RAB27A: variants seen among roughly 807,000 people sequenced by gnomAD.
RAB27A encodes the protein ras-related protein Rab-27A.
In RAB27A, 17 loss-of-function variants were observed where a neutral mutation model predicts 20.8. The observed-to-expected ratio is 0.82, with a 90% CI of 0.56 to 1.23. The LOEUF (loss-of-function observed/expected upper bound fraction) is 1.23. Ranked by LOEUF, RAB27A falls within the 50% of genes most tolerant of loss-of-function variation. The pLI is 0.00. For synonymous variants in RAB27A, 85 were observed against 92.8 expected (o/e 0.92, Z 0.48); for missense variants, 277 against 266.7 (o/e 1.04, Z -0.27).
At chr15:55,240,742 A>G (rs961564804) in intron 2 of RAB27A, among the ~76,000 whole-genome samples, 6 of 152,110 alleles carry the variant, frequency 3.9e-5, no homozygotes. Context: ...ACAGGAAGAG[A>G]TTCTATTTTA....
chr15:55,203,922 T>C lies in RAB27A; in HGVS notation c.*1585A>G, dbSNP rs1192229321. 6.6e-6 allele frequency: 1 copy of C among 152,164 alleles called. No individual in the cohort carries two copies. The highest frequency in any genetic ancestry group is 1.5e-5 in the Non-Finnish European group (1 of 68,018). The allele number at this position is 152,164 out of a possible 1,614,324, so 9.4% of individuals were successfully genotyped here. A position where few individuals can be genotyped will look rare whatever the true frequency, so the allele number is the denominator to read the frequency against. On this transcript the variant is annotated 3_prime_UTR_variant, in exon 7 of 7. Coordinates refer to ENST00000336787, the MANE Select transcript of RAB27A (RefSeq NM_183235.3). Reference sequence around the variant, plus strand: ...AAAAAAATAGGTTTTTTCATGATACTTTTATTTTTCCTTTTTTAAAAATAA... The same window carrying C: ...AAAAAAATAGGTTTTTTCATGATACCTTTATTTTTCCTTTTTTAAAAATAA...
intron 3 of RAB27A, among the ~76,000 whole-genome samples, chr15:55,232,788 C>T (rs1224091102): frequency 2.0e-5 from 3 of 152,058 alleles, no homozygotes; most frequent in African/African-American, 4.8e-5. Context: ...ACAGTATAAA[C>T]GTGGTTTTTC....
chr15:55,317,312 T>G (rs1287827816), intron 1 of RAB27A: 3 of 160,914 alleles, frequency 1.9e-5, no homozygotes, highest in South Asian at 2.0e-4. Flanking sequence ...TATTTGTGGG[T>G]TTTTTTGCTT....
At chr15:55,240,162 GAAAA>G (rs2141004890) in intron 2 of RAB27A, among the ~76,000 whole-genome samples, 1 of 152,256 alleles carries the variant, frequency 6.6e-6, no homozygotes, top group African/African-American at 2.4e-5. Flanking sequence ...TTTCCAGAAA[GAAAA>G]TACTCCACTC....
intron 5 of RAB27A, among the ~76,000 whole-genome samples, chr15:55,224,612 G>A (rs1299215656): frequency 6.6e-6 from 1 of 152,150 alleles, no homozygotes; most frequent in Non-Finnish European, 1.5e-5. Context: ...GGAAGCAGAG[G>A]ACTATAATTC....
At chr15:55,308,212 C>T (rs988759978) in intron 2 of RAB27A, among the ~76,000 whole-genome samples, 1 of 152,184 alleles carries the variant, frequency 6.6e-6, no homozygotes, top group African/African-American at 2.4e-5. Flanking sequence ...CTGATGACCC[C>T]GGCAGTGTAA....
chr15:55,221,948 C>T (rs534554289), intron 6 of RAB27A, among the ~76,000 whole-genome samples: 2 of 152,182 alleles, frequency 1.3e-5, no homozygotes, highest in Non-Finnish European at 2.9e-5. Context: ...TCCATCCATC[C>T]CCCATTTCAC....
intron 6 of RAB27A, among the ~76,000 whole-genome samples, chr15:55,209,638 A>T (rs1201533614): frequency 6.6e-6 from 1 of 150,862 alleles, no homozygotes; most frequent in Non-Finnish European, 1.5e-5. Context: ...TATCTGATAT[A>T]CATCTCTATA....
chr15:55,307,753 G>A (rs780344546), intron 2 of RAB27A, among the ~76,000 whole-genome samples: 2 of 144,896 alleles, frequency 1.4e-5, no homozygotes, highest in African/African-American at 2.6e-5. Context: ...GTCTTCTCTT[G>A]GGTAATTGCC....
chr15:55,287,014 G>A (rs1182476402), intron 1 of RAB27A, among the ~76,000 whole-genome samples: 1 of 150,524 alleles, frequency 6.6e-6, no homozygotes, highest in Non-Finnish European at 1.5e-5. Flanking sequence ...CCGCCTCCTG[G>A]GTTCAAGCGA....
upstream of RAB27A, among the ~76,000 whole-genome samples, chr15:55,290,719 ACT>A (rs1187740278): frequency 6.6e-6 from 1 of 152,140 alleles, no homozygotes; most frequent in African/African-American, 2.4e-5. Flanking sequence ...CGTGGTTCCC[ACT>A]CAGAGGCAGC....
rs78004450 is a variant in RAB27A at position 55,267,071 on chromosome 15, T to C, written c.-23+3094A>G. 1.2e-3 allele frequency among the ~76,000 whole-genome samples: 183 copies of C among 152,282 alleles called. 3 individuals are homozygous for C. In the East Asian group the frequency reaches 0.013, roughly 11 times the overall value. ...AGGAAGGAGATTTTTCAAGCAGTGA[T>C]TGTCCACAGGCTGGCTCAGTTGCCA... is the stretch of plus-strand genomic sequence containing the variant. On this transcript the variant is annotated intron_variant, in intron 2 of 6. Coordinates refer to ENST00000336787, the MANE Select transcript of RAB27A (RefSeq NM_183235.3).
chr15:55,317,707 A>G (rs2141150272), intron 1 of RAB27A: 2 of 398,628 alleles, frequency 5.0e-6, no homozygotes, highest in East Asian at 7.1e-5. Flanking sequence ...ATACTGTTCA[A>G]ATACTGGTTG....
chr15:55,230,667 T>C (rs1030902616), intron 3 of RAB27A, among the ~76,000 whole-genome samples, 181 bp from the exon 4 acceptor site: 4 of 152,136 alleles, frequency 2.6e-5, no homozygotes, highest in African/African-American at 2.4e-5. Flanking sequence ...ATAAGTTATA[T>C]TGAAATATAT....
At chr15:55,218,745 T>TA (rs1320803728) in intron 6 of RAB27A, among the ~76,000 whole-genome samples, 1 of 150,044 alleles carries the variant, frequency 6.7e-6, no homozygotes, top group Non-Finnish European at 1.5e-5. Context: ...TCACATTCTT[T>TA]TTTTTTTTTT....
intron 2 of RAB27A, among the ~76,000 whole-genome samples, chr15:55,266,005 G>A (rs1897465622): frequency 6.6e-6 from 1 of 152,184 alleles, no homozygotes; most frequent in South Asian, 2.1e-4. Flanking sequence ...GCAGCCACAT[G>A]GAGACTGGAA....
chr15:55,206,933 G>A (rs989501982), intron 6 of RAB27A, among the ~76,000 whole-genome samples: 3 of 152,048 alleles, frequency 2.0e-5, no homozygotes, highest in Admixed American at 6.6e-5. Flanking sequence ...ACTTGCAAAC[G>A]GGTTAGCATC....
chr15:55,288,623 G>A (rs1047282902), intron 1 of RAB27A, among the ~76,000 whole-genome samples: 10 of 151,896 alleles, frequency 6.6e-5, no homozygotes, highest in African/African-American at 2.4e-4. Context: ...AGGGAGGGAG[G>A]AAGAGAGAAT....
At chr15:55,282,733 A>G (rs1165359130) in intron 1 of RAB27A, among the ~76,000 whole-genome samples, 1 of 152,112 alleles carries the variant, frequency 6.6e-6, no homozygotes, top group Non-Finnish European at 1.5e-5. Flanking sequence ...GGAAGCACAC[A>G]ATAGACAGGC....
Sources: allele counts gnomAD v4.1 joint callset (sites outside exome capture counted in the v4.1 genomes callset), GRCh38; gene constraint gnomAD v4.1.1; transcripts MANE v1.5; gene names NCBI Gene and HGNC (gene_info 2026-07-23, HGNC 2026-07-21).